Variants in TTC39B observed in about 807,000 individuals in gnomAD.
The protein encoded by TTC39B is tetratricopeptide repeat protein 39B.
In TTC39B, 92 loss-of-function variants were observed where a neutral mutation model predicts 96.6. The ratio of observed to expected loss-of-function variants is 0.95; its 90% confidence interval spans 0.80 to 1.13. TTC39B has a LOEUF of 1.13. TTC39B is among the 50% of genes most tolerant of loss of function. The pLI, the probability that TTC39B is intolerant of heterozygous loss-of-function variation, is 0.00. For missense variants in TTC39B, 955 were observed against 809.3 expected (o/e 1.18, Z -2.18); for synonymous variants, 367 against 299.4 (o/e 1.23, Z -2.33).
intron 1 of TTC39B, among the ~76,000 whole-genome samples, chr9:15,298,320 C>T (rs1304272942): frequency 1.3e-5 from 2 of 152,176 alleles, no homozygotes; most frequent in Non-Finnish European, 2.9e-5. Context: ...TTGCAGACAG[C>T]ATATGGTAGG....
At chr9:15,268,482 G>A (rs987423080) in intron 1 of TTC39B, among the ~76,000 whole-genome samples, 3 of 152,010 alleles carry the variant, frequency 2.0e-5, no homozygotes, top group Non-Finnish European at 2.9e-5. Flanking sequence ...GGAGAGAAAC[G>A]CACACAGTCA....
At chr9:15,272,237 T>A (rs78518881) in intron 1 of TTC39B, among the ~76,000 whole-genome samples, 5,129 of 152,262 alleles carry the variant, frequency 0.034, 283 homozygotes, top group African/African-American at 0.12. Flanking sequence ...CCCTCAGTAG[T>A]CACGCATGTA....
intron 3 of TTC39B, among the ~76,000 whole-genome samples, chr9:15,218,176 A>G (rs1820630707): frequency 2.0e-5 from 3 of 151,772 alleles, no homozygotes; most frequent in Admixed American, 1.3e-4. Flanking sequence ...CTCAAAAAAA[A>G]AAAAAAAAAA....
chr9:15,301,829 A>G (rs776648915), intron 1 of TTC39B, among the ~76,000 whole-genome samples: 2 of 152,204 alleles, frequency 1.3e-5, no homozygotes, highest in Non-Finnish European at 2.9e-5. Context: ...CTAAACTTCC[A>G]AAGAGAAATT....
chr9:15,212,166 C>G (rs1404581729), intron 4 of TTC39B, among the ~76,000 whole-genome samples: 1 of 152,060 alleles, frequency 6.6e-6, no homozygotes, highest in Non-Finnish European at 1.5e-5. Context: ...AATATTAATG[C>G]ATAACAGCCT....
chr9:15,270,214 G>C (rs1334326445), intron 1 of TTC39B, among the ~76,000 whole-genome samples: 3 of 152,070 alleles, frequency 2.0e-5, no homozygotes, highest in East Asian at 1.9e-4. Context: ...AACTGAGTTT[G>C]AGTTTGGGAC....
intron 8 of TTC39B, among the ~76,000 whole-genome samples, 155 bp from the exon 9 acceptor site, chr9:15,192,850 A>T (rs1340165627): frequency 1.3e-5 from 2 of 152,236 alleles, no homozygotes. Flanking sequence ...TTTACTCTTA[A>T]GGATACTAGG....
intron 2 of TTC39B, among the ~76,000 whole-genome samples, chr9:15,235,020 G>A (rs1289599145): frequency 9.7e-4 from 54 of 55,454 alleles, no homozygotes; most frequent in African/African-American, 4.1e-3. Flanking sequence ...ACCCAAGAAT[G>A]ATCAATAAAT....
intron 2 of TTC39B, chr9:15,250,227 G>C (rs1822472364): frequency 1.0e-5 from 11 of 1,090,672 alleles, no homozygotes; most frequent in Non-Finnish European, 1.2e-5. Flanking sequence ...CTGCAGGAAG[G>C]GATGCCGGGA....
intron 1 of TTC39B, among the ~76,000 whole-genome samples, chr9:15,288,691 T>C (rs540971700): frequency 3.2e-4 from 49 of 152,324 alleles, no homozygotes; most frequent in Non-Finnish European, 2.9e-4. Context: ...GGTTAACACT[T>C]AAGCCATCCA....
intron 6 of TTC39B, among the ~76,000 whole-genome samples, chr9:15,204,833 G>C (rs1375446275): frequency 6.6e-6 from 1 of 152,108 alleles, no homozygotes. Context: ...CACAAAAAGG[G>C]GTTAGGTGGG....
chr9:15,234,610 T>C (rs533907211), intron 2 of TTC39B, among the ~76,000 whole-genome samples: 104 of 152,128 alleles, frequency 6.8e-4, no homozygotes, highest in African/African-American at 2.4e-3. Flanking sequence ...GGGGAAAAGA[T>C]TGAGAAATCG....
chr9:15,171,772 C>T (rs532878759), exon 20 of TTC39B: 1 of 253,992 alleles, frequency 3.9e-6, no homozygotes, highest in African/African-American at 2.2e-5. Context: ...CCCCCTAATT[C>T]AAATAATATG....
rs150942390 is a variant in TTC39B, at chr9:15,275,968, C to T, written c.241-8020G>A. Among the ~76,000 whole-genome samples, 45 of 152,242 alleles carry T rather than the reference C, an allele frequency of 3.0e-4. No homozygotes were observed. In the Middle Eastern group the frequency reaches 0.01, roughly 35 times the overall value. ...GAATACAGGAGCATTTTCAATGTCA[C>T]ATTTGTAAGAAACAAATGCTGATAT... is the stretch of plus-strand genomic sequence containing the variant. On this transcript the variant is annotated intron_variant, in intron 1 of 19. Coordinates refer to ENST00000512701, the Ensembl canonical transcript of TTC39B.
At chr9:15,204,179 C>T (rs1443380938) in intron 6 of TTC39B, among the ~76,000 whole-genome samples, 1 of 152,140 alleles carries the variant, frequency 6.6e-6, no homozygotes. Flanking sequence ...GGGAAATGAA[C>T]ATTTAAAAGC....
At chr9:15,179,660 G>C (rs1818143100) in intron 17 of TTC39B, among the ~76,000 whole-genome samples, 1 of 152,124 alleles carries the variant, frequency 6.6e-6, no homozygotes, top group South Asian at 2.1e-4. Context: ...CAAAACCAAA[G>C]GGTCCATATT....
chr9:15,267,011 G>C (rs1006931986), intron 2 of TTC39B, among the ~76,000 whole-genome samples: 1 of 152,104 alleles, frequency 6.6e-6, no homozygotes, highest in South Asian at 2.1e-4. Flanking sequence ...CCTGGGAGGC[G>C]GAGCTTGCAG....
chr9:15,199,862 T>G, exon 8 of TTC39B: 1 of 1,508,978 alleles, frequency 6.6e-7, no homozygotes, highest in Non-Finnish European at 9.1e-7. Context: ...TTAACTTACT[T>G]ATATATTTGG....
At chr9:15,280,430 GA>G (rs1823716825) in intron 1 of TTC39B, among the ~76,000 whole-genome samples, 1 of 152,160 alleles carries the variant, frequency 6.6e-6, no homozygotes, top group African/African-American at 2.4e-5. Flanking sequence ...GATAGAGTGA[GA>G]AACAAATGTT....
Sources: allele counts gnomAD v4.1 joint callset (sites outside exome capture counted in the v4.1 genomes callset), GRCh38; gene constraint gnomAD v4.1.1; transcripts MANE v1.5; gene names NCBI Gene and HGNC (gene_info 2026-07-23, HGNC 2026-07-21).